MYBPC2: variants seen among roughly 807,000 people sequenced by gnomAD.
MYBPC2 encodes myosin binding protein C2.
Under a neutral mutation model 137.0 loss-of-function variants are expected in MYBPC2, and 122 were observed. The ratio of observed to expected loss-of-function variants is 0.89; its 90% CI spans 0.77 to 1.03. The LOEUF is 1.03. MYBPC2 is among the 50% of genes least tolerant of loss of function. The pLI, the probability that MYBPC2 is intolerant of heterozygous loss-of-function variation, is 0.00. For missense variants in MYBPC2, 1,500 were observed against 1,534.4 expected (o/e 0.98, Z 0.37); for synonymous variants, 626 against 612.3 (o/e 1.02, Z -0.33).
rs762673547 is a variant in MYBPC2 at position 50,451,328 on chromosome 19, G to T, written c.1609+19G>T. 30 of 1,612,884 alleles carry T rather than the reference G, an allele frequency of 1.9e-5. No individual in the cohort carries two copies. Among genetic ancestry groups the T allele is most frequent in the Middle Eastern group, 3.3e-4 (2 of 6,084 alleles). ...AAGCAAGGTGAGCACCACGGGCTGC[G>T]CTGGGAGCGGGTCTGAGGGAGGAGG... is the stretch of plus-strand genomic sequence containing the variant. On this transcript the variant is annotated intron_variant, in intron 15 of 27. Coordinates refer to ENST00000357701, the MANE Select transcript of MYBPC2 (RefSeq NM_004533.4).
Position 50,446,037 on chromosome 19 carries a change from G to A in MYBPC2, c.1291G>A (p.Glu431Lys), listed in dbSNP as rs77280515. The A allele has an allele frequency of 2.5e-3, 4,108 of 1,612,916 alleles. 7 individuals are homozygous for A. Among genetic ancestry groups the A allele is most frequent in the Non-Finnish European group, 3.2e-3 (3,825 of 1,179,514 alleles). The change falls in exon 12 of 28, where the codon GAG (glutamate) becomes AAG (lysine). Residue 431 changes from glutamate (E) to lysine (K), a missense_variant. Physicochemically the swap from Glu to Lys is moderately conservative, Grantham distance 56 (BLOSUM62 1). Transcript: ENST00000357701. ...VITNGGQCEA[E>K]LIVEEKQLEV... ...AACCAATGGCGGCCAGTGTGAGGCC[G>A]AGCTGATTGTGGAAGGTATGGGGCC...
intron 7 of MYBPC2, among the ~76,000 whole-genome samples, chr19:50,438,290 C>T (rs927460751): frequency 2.0e-5 from 3 of 152,122 alleles, no homozygotes; most frequent in Non-Finnish European, 4.4e-5. Flanking sequence ...GGATGGATAA[C>T]GGGTGAATGG....
rs557631280 is a variant in MYBPC2, at chr19:50,436,872, T to C, written c.463+138T>C. Reference sequence around the variant, plus strand: ...TTTTTGGAGGAGGGAGTGCAGATTCTGGGGTCAGAGTATTCAAACTCAAGG... The same window carrying C: ...TTTTTGGAGGAGGGAGTGCAGATTCCGGGGTCAGAGTATTCAAACTCAAGG... On this transcript the variant is annotated intron_variant, in intron 5 of 27. Transcript: ENST00000357701. 16 of 733,578 alleles carry C rather than the reference T, an allele frequency of 2.2e-5. No homozygotes were observed. The East Asian group carries it at 4.4e-4, about 20-fold the overall frequency. 45.4% of individuals were successfully genotyped at this position (733,578 alleles called of 1,614,324 possible). A position where few individuals can be genotyped will look rare whatever the true frequency, so the allele number is the denominator to read the frequency against.
chr19:50,446,140 T>C, intron 12 of MYBPC2, 88 bp downstream of exon 12: 1 of 1,411,476 alleles, frequency 7.1e-7, no homozygotes, highest in Non-Finnish European at 9.6e-7. Context: ...GTCTGGAAGT[T>C]GTTCCTGACT....
chr19:50,435,241 GCC>G lies in MYBPC2; in HGVS notation c.104_105del (p.Pro35GlnfsTer110). ...TCCCCCTAAGGAGGCTCCTGCAGAG[GCC>G]CCCAAAGGTGAGGAGGTGCTCCCTC... ...EAPPKEAPAE[A>X]PKEAPPEDQS... On this transcript the variant is annotated frameshift_variant, in exon 2 of 28. Coordinates refer to ENST00000357701, the MANE Select transcript of MYBPC2 (RefSeq NM_004533.4). LOFTEE classifies it high-confidence loss of function. The surrounding 1 kb of genome is among the most constrained non-coding windows in gnomAD (Gnocchi z 4.8). 8.0e-7 allele frequency: 1 copy of G among 1,248,698 alleles called. No individual in the cohort carries two copies. The highest frequency in any genetic ancestry group is 1.2e-6 in the Non-Finnish European group (1 of 858,898). 77.4% of individuals were successfully genotyped at this position (1,248,698 alleles called of 1,614,324 possible).
intron 20 of MYBPC2, 39 bp downstream of exon 20, chr19:50,455,683 G>A (rs371231053): frequency 3.1e-6 from 5 of 1,606,942 alleles, no homozygotes; most frequent in Non-Finnish European, 4.3e-6. Flanking sequence ...GTGGTGGCTA[G>A]CACAGGTGGG....
At chr19:50,451,171 GT>G in intron 14 of MYBPC2, 108 bp from the exon 15 acceptor site, 1 of 1,410,206 alleles carries the variant, frequency 7.1e-7, no homozygotes, top group African/African-American at 1.4e-5. Flanking sequence ...CAGCACCCCA[GT>G]TCCCAGGGAG....
chr19:50,464,785 T>C lies in MYBPC2; in HGVS notation c.3415+253T>C, dbSNP rs369464746. Among the ~76,000 whole-genome samples the C allele has an allele frequency of 2.3e-4, 35 of 152,302 alleles. No homozygotes were observed. In the South Asian group the frequency reaches 6.0e-3, roughly 26 times the overall value. ...GTTGAAGGACAAGGAAGAGGAAGGC[T>C]GAGTGAGAAGGGCTTAGGAAACGTC... On this transcript the variant is annotated intron_variant, in intron 27 of 27. Coordinates refer to ENST00000357701, the MANE Select transcript of MYBPC2 (RefSeq NM_004533.4).
intron 24 of MYBPC2, among the ~76,000 whole-genome samples, chr19:50,460,862 G>A (rs372793438): frequency 2.0e-5 from 3 of 151,836 alleles, no homozygotes; most frequent in East Asian, 1.9e-4. Flanking sequence ...ACCACATCCC[G>A]CTAATTTTTG....
chr19:50,465,803 C>T lies in MYBPC2; in HGVS notation c.3416-392C>T, dbSNP rs2040010546. 6.6e-6 allele frequency among the ~76,000 whole-genome samples: 1 copy of T among 152,174 alleles called. No individual in the cohort carries two copies. Among genetic ancestry groups the T allele is most frequent in the Admixed American group, 6.5e-5 (1 of 15,272 alleles). On this transcript the variant is annotated intron_variant, in intron 27 of 27. Coordinates refer to ENST00000357701, the MANE Select transcript of MYBPC2 (RefSeq NM_004533.4). This position sits in a 1 kb window ranked among gnomAD's most constrained non-coding sequence, Gnocchi z 4.5. ...GAGGCTGCAGTGAGCTGAGATGGCA[C>T]CACTGCACTCCAGCCTGGTGCAACA... is the stretch of plus-strand genomic sequence containing the variant.
intron 26 of MYBPC2, among the ~76,000 whole-genome samples, chr19:50,463,737 G>A (rs2039990155): frequency 2.0e-5 from 3 of 152,072 alleles, no homozygotes; most frequent in African/African-American, 7.2e-5. Context: ...TCAGGAGTTT[G>A]AGACCAGCCT....
chr19:50,463,196 C>T (rs1402878186), intron 26 of MYBPC2, among the ~76,000 whole-genome samples: 1 of 152,212 alleles, frequency 6.6e-6, no homozygotes, highest in African/African-American at 2.4e-5. Context: ...TTGTTTACAG[C>T]TACTGCAGAC....
Position 50,441,047 on chromosome 19 carries a change from A to G in MYBPC2, c.740A>G (p.Lys247Arg). ...DLRGMLKRLK[K>R]AKVEVKKSAA... ...CGGGGCATGCTGAAGCGGCTGAAAAAGGCTAAGGTCGAGGTCAAGAAGAGT... is the reference window on the plus strand; with the variant it reads ...CGGGGCATGCTGAAGCGGCTGAAAAGGGCTAAGGTCGAGGTCAAGAAGAGT... The change falls in exon 8 of 28, where the codon AAG (lysine) becomes AGG (arginine). Residue 247 changes from lysine to arginine, a missense_variant. Coordinates refer to ENST00000357701, the MANE Select transcript of MYBPC2 (RefSeq NM_004533.4). 1 of 1,603,126 alleles carries G rather than the reference A, an allele frequency of 6.2e-7. No individual in the cohort carries two copies. Among genetic ancestry groups the G allele is most frequent in the Non-Finnish European group, 8.5e-7 (1 of 1,175,008 alleles).
At position 50,446,123 on chromosome 19, in the gene MYBPC2, C is replaced by T. The variant is rs1036532492; in HGVS notation, c.1306+71C>T. 17 of 1,503,770 alleles carry T rather than the reference C, an allele frequency of 1.1e-5. No individual in the cohort carries two copies. The Admixed American group carries it at 1.2e-4, about 11-fold the overall frequency. The allele number at this position is 1,503,770 out of a possible 1,614,324, so 93.2% of individuals were successfully genotyped here. Reference sequence around the variant, plus strand: ...TCCACACAGCTTGAGGTTGCTCAGGCCCCCCAGTCTGGAAGTTGTTCCTGA... The same window carrying T: ...TCCACACAGCTTGAGGTTGCTCAGGTCCCCCAGTCTGGAAGTTGTTCCTGA... On this transcript the variant is annotated intron_variant, in intron 12 of 27. Coordinates refer to ENST00000357701, the MANE Select transcript of MYBPC2 (RefSeq NM_004533.4).
intron 23 of MYBPC2, 129 bp from the exon 24 acceptor site, chr19:50,459,911 T>G: frequency 7.5e-7 from 1 of 1,324,918 alleles, no homozygotes; most frequent in Non-Finnish European, 1.0e-6. Flanking sequence ...GGGGAGGCCA[T>G]AGGCAGGAAT....
intron 7 of MYBPC2, among the ~76,000 whole-genome samples, chr19:50,438,121 A>C (rs2039720431): frequency 6.6e-6 from 1 of 151,960 alleles, no homozygotes; most frequent in Non-Finnish European, 1.5e-5. Context: ...TCACCCATCC[A>C]TCCAACCAGT....
chr19:50,457,524 G>GTGC (rs1415242094), intron 20 of MYBPC2, among the ~76,000 whole-genome samples: 1 of 152,152 alleles, frequency 6.6e-6, no homozygotes, highest in African/African-American at 2.4e-5. Flanking sequence ...GCTTGAGAGC[G>GTGC]TGCTGGAGTC....
chr19:50,457,685 T>TTG (rs2039926418), intron 20 of MYBPC2, among the ~76,000 whole-genome samples: 1 of 149,100 alleles, frequency 6.7e-6, no homozygotes, highest in Non-Finnish European at 1.5e-5. Context: ...GGAAAGTTTT[T>TTG]TTTTTTTTTT....
At chr19:50,452,217 T>A (rs1237503947) in intron 16 of MYBPC2, among the ~76,000 whole-genome samples, 1 of 152,212 alleles carries the variant, frequency 6.6e-6, no homozygotes. Context: ...TTCAGTTAAT[T>A]AATCAAGTGA....
Sources: allele counts gnomAD v4.1 joint callset (sites outside exome capture counted in the v4.1 genomes callset), GRCh38; gene constraint gnomAD v4.1.1; non-coding constraint Gnocchi (gnomAD v3.1); transcripts MANE v1.5; gene names NCBI Gene and HGNC (gene_info 2026-07-23, HGNC 2026-07-21).